Variants in PLCB1 observed in about 807,000 individuals in gnomAD.
PLCB1 encodes 1-phosphatidylinositol 4,5-bisphosphate phosphodiesterase beta-1.
PLCB1 carries 46 observed loss-of-function variants against 161.8 expected under a neutral mutation model. That is an observed-to-expected ratio of 0.28 (90% CI 0.22 to 0.36). The LOEUF is 0.36. Ranked by LOEUF, PLCB1 falls within the 10% of genes least tolerant of loss-of-function variation. PLCB1 has a pLI of 1.00. For missense variants in PLCB1, 1,016 were observed against 1,472.5 expected, an observed-to-expected ratio of 0.69 and a Z score of 5.07; for synonymous variants, 517 against 503.7, an observed-to-expected ratio of 1.03 and a Z score of -0.35.
intron 2 of PLCB1, among the ~76,000 whole-genome samples, chr20:8,271,672 G>A (rs919385311): frequency 3.3e-5 from 5 of 152,100 alleles, no homozygotes; most frequent in Non-Finnish European, 7.4e-5. Context: ...GCAAGGTAGA[G>A]AGTCTTGTCT....
intron 2 of PLCB1, among the ~76,000 whole-genome samples, chr20:8,176,964 C>T (rs1211821372): frequency 6.6e-6 from 1 of 152,138 alleles, no homozygotes; most frequent in South Asian, 2.1e-4. Flanking sequence ...TATATTATCA[C>T]CACTCCCTTC....
At chr20:8,568,038 G>A (rs1986396266) in intron 3 of PLCB1, among the ~76,000 whole-genome samples, 1 of 152,102 alleles carries the variant, frequency 6.6e-6, no homozygotes, top group Non-Finnish European at 1.5e-5. Context: ...TATTGTCTTA[G>A]CAACACATTT....
chr20:8,211,880 C>G (rs1488478851), intron 2 of PLCB1, among the ~76,000 whole-genome samples: 1 of 152,062 alleles, frequency 6.6e-6, no homozygotes, highest in Non-Finnish European at 1.5e-5. Flanking sequence ...AATCTGCTTT[C>G]TAGGTCAATC....
At chr20:8,424,210 G>C (rs1271624830) in intron 3 of PLCB1, among the ~76,000 whole-genome samples, 1 of 152,080 alleles carries the variant, frequency 6.6e-6, no homozygotes, top group Non-Finnish European at 1.5e-5. Flanking sequence ...CATGAGTTAC[G>C]AGATAAGCCA....
chr20:8,653,647 A>G (rs1989376711), intron 7 of PLCB1: 1 of 152,086 alleles, frequency 6.6e-6, no homozygotes, highest in African/African-American at 2.4e-5. Flanking sequence ...TTTTAAAATA[A>G]CATTTTTTCT....
chr20:8,391,785 GTATATATA>G (rs374178427), intron 3 of PLCB1, among the ~76,000 whole-genome samples: 12,791 of 114,838 alleles, frequency 0.11, 793 homozygotes, highest in East Asian at 0.17. Context: ...ATATGTGTGT[GTATATATA>G]TATATATATA....
At chr20:8,180,585 C>G (rs780761348) in intron 2 of PLCB1, among the ~76,000 whole-genome samples, 20 of 152,056 alleles carry the variant, frequency 1.3e-4, no homozygotes, top group Non-Finnish European at 2.9e-4. Flanking sequence ...AATTTGGAAA[C>G]AGAGATTAAG....
At chr20:8,610,438 A>G (rs969232808) in intron 3 of PLCB1, among the ~76,000 whole-genome samples, 5 of 152,184 alleles carry the variant, frequency 3.3e-5, no homozygotes, top group Non-Finnish European at 7.4e-5. Context: ...AAATGCTGCT[A>G]TGAACTTTCA....
intron 9 of PLCB1, among the ~76,000 whole-genome samples, chr20:8,681,119 T>TATATATATATATATATATATATAA (rs1485697576): frequency 3.0e-4 from 25 of 82,068 alleles, no homozygotes; most frequent in East Asian, 7.4e-4. Flanking sequence ...TATATATATA[T>TATATATATATATATATATATATAA]AATATATATA....
intron 3 of PLCB1, chr20:8,371,956 G>A (rs1157916754): frequency 1.3e-5 from 2 of 152,226 alleles, no homozygotes; most frequent in African/African-American, 2.4e-5. Context: ...CATTTGTTTT[G>A]GTTTGAAAAA....
Position 8,407,689 on chromosome 20 carries a change from T to C in PLCB1, c.246+36239T>C, listed in dbSNP as rs186621889. ...CTGAGAGATACAAATCAGGTTGAGA[T>C]TTGGGTGGGGACACAGCCAAACCAA... is the stretch of plus-strand genomic sequence containing the variant. On this transcript the variant is annotated intron_variant, in intron 3 of 31. Coordinates refer to ENST00000338037, the MANE Select transcript of PLCB1 (RefSeq NM_015192.4). 5.9e-5 allele frequency among the ~76,000 whole-genome samples: 9 copies of C among 152,262 alleles called. No individual in the cohort carries two copies. The East Asian group carries it at 1.7e-3, about 29-fold the overall frequency.
At chr20:8,871,003 C>T (rs1339961409) in intron 31 of PLCB1, among the ~76,000 whole-genome samples, 2 of 152,132 alleles carry the variant, frequency 1.3e-5, no homozygotes, top group East Asian at 1.9e-4. Flanking sequence ...GGGTAGCATG[C>T]CCCACCCCAG....
At chr20:8,154,929 C>A (rs1000054497) in intron 2 of PLCB1, among the ~76,000 whole-genome samples, 4 of 152,166 alleles carry the variant, frequency 2.6e-5, no homozygotes, top group Non-Finnish European at 4.4e-5. Context: ...TAGTTACATT[C>A]CAACTACCTC....
At chr20:8,220,195 C>T (rs1979333029) in intron 2 of PLCB1, among the ~76,000 whole-genome samples, 2 of 152,196 alleles carry the variant, frequency 1.3e-5, no homozygotes, top group South Asian at 4.1e-4. Context: ...ATTGGTATCA[C>T]ATGCCCAGGT....
At chr20:8,299,962 G>A (rs1238914681) in intron 2 of PLCB1, among the ~76,000 whole-genome samples, 5 of 152,126 alleles carry the variant, frequency 3.3e-5, no homozygotes, top group African/African-American at 1.2e-4. Flanking sequence ...ATGTTGTGTA[G>A]CAACAACAAA....
At chr20:8,224,810 C>T (rs1284522202) in intron 2 of PLCB1, among the ~76,000 whole-genome samples, 2 of 152,124 alleles carry the variant, frequency 1.3e-5, no homozygotes, top group East Asian at 1.9e-4. Context: ...TATCCATCCT[C>T]ACCAAGGTAG....
At chr20:8,827,592 GT>G (rs1985767660) in intron 31 of PLCB1, among the ~76,000 whole-genome samples, 1 of 152,178 alleles carries the variant, frequency 6.6e-6, no homozygotes, top group Non-Finnish European at 1.5e-5. Flanking sequence ...CACATTTCAT[GT>G]GCTCAGTGTT....
chr20:8,633,119 C>G (rs4577352), intron 4 of PLCB1, among the ~76,000 whole-genome samples: 1 of 149,986 alleles, frequency 6.7e-6, no homozygotes, highest in Non-Finnish European at 1.5e-5. Flanking sequence ...CACACACACA[C>G]ACACACACAC....
chr20:8,808,924 A>T (rs996543420), intron 31 of PLCB1, among the ~76,000 whole-genome samples: 26 of 152,192 alleles, frequency 1.7e-4, no homozygotes, highest in Non-Finnish European at 1.5e-4. Flanking sequence ...AATGAAATAA[A>T]TTTATTCAAA....
Sources: allele counts gnomAD v4.1 joint callset (sites outside exome capture counted in the v4.1 genomes callset), GRCh38; gene constraint gnomAD v4.1.1; transcripts MANE v1.5; gene names NCBI Gene and HGNC (gene_info 2026-07-23, HGNC 2026-07-21).